The following SPAG16 variants were observed in gnomAD, a reference collection of about 807,000 sequenced individuals.
The protein encoded by SPAG16 is sperm associated antigen 16, also known as sperm-associated antigen 16 protein.
In SPAG16, 86 loss-of-function variants were observed where a neutral mutation model predicts 80.4. The ratio of observed to expected loss-of-function variants is 1.07; its 90% CI spans 0.90 to 1.28. The LOEUF (loss-of-function observed/expected upper bound fraction) is 1.28, where lower values mean the gene tolerates loss of function less well. Among genes scored for constraint, SPAG16 ranks in the 50% most tolerant of loss-of-function variants. SPAG16 has a pLI of 0.00. For synonymous variants in SPAG16, 294 were observed against 265.9 expected (o/e 1.11, Z -1.03); for missense variants, 870 against 765.3 (o/e 1.14, Z -1.61).
At chr2:214,348,129 G>T (rs912485526) in intron 15 of SPAG16, among the ~76,000 whole-genome samples, 18 of 152,138 alleles carry the variant, frequency 1.2e-4, no homozygotes, top group African/African-American at 4.1e-4. Flanking sequence ...GTTGTGTGGA[G>T]GGCAGATAAC....
intron 15 of SPAG16, among the ~76,000 whole-genome samples, chr2:214,190,309 A>T (rs1411014923): frequency 6.6e-6 from 1 of 152,070 alleles, no homozygotes; most frequent in Non-Finnish European, 1.5e-5. Context: ...TACTTGCCAG[A>T]TTGTGTTGTT....
chr2:214,007,876 G>T (rs2124922292), intron 12 of SPAG16, among the ~76,000 whole-genome samples: 1 of 152,208 alleles, frequency 6.6e-6, no homozygotes, highest in Non-Finnish European at 1.5e-5. Context: ...TAGGAATGTT[G>T]ACATGAAAAA....
intron 9 of SPAG16, among the ~76,000 whole-genome samples, chr2:213,375,407 C>T (rs1024827536): frequency 6.6e-6 from 1 of 152,008 alleles, no homozygotes; most frequent in Non-Finnish European, 1.5e-5. Flanking sequence ...CTGCTTGAAA[C>T]TACCTCTGTC....
intron 12 of SPAG16, among the ~76,000 whole-genome samples, chr2:213,962,242 G>T (rs1308389332): frequency 1.3e-5 from 2 of 148,994 alleles, no homozygotes; most frequent in Non-Finnish European, 3.0e-5. Flanking sequence ...TGCCCAGGCT[G>T]GAGTGCAGTG....
chr2:214,059,246 GTATATATATGTA>G, intron 13 of SPAG16, among the ~76,000 whole-genome samples: 1 of 85,664 alleles, frequency 1.2e-5, no homozygotes, highest in Non-Finnish European at 2.4e-5. Flanking sequence ...ATATATGTAT[GTATATATATGTA>G]TGTATATATA....
intron 15 of SPAG16, among the ~76,000 whole-genome samples, chr2:214,337,853 C>G (rs998355187): frequency 3.3e-5 from 5 of 152,046 alleles, no homozygotes; most frequent in Admixed American, 6.5e-5. Flanking sequence ...TTAAATATTT[C>G]TACTTGAAAA....
chr2:213,755,673 GA>G (rs2068290860), intron 10 of SPAG16, among the ~76,000 whole-genome samples: 1 of 152,124 alleles, frequency 6.6e-6, no homozygotes, highest in African/African-American at 2.4e-5. Context: ...GGAGAAGATA[GA>G]AAGTTAAAAA....
chr2:213,474,325 C>T (rs980642724), intron 9 of SPAG16, among the ~76,000 whole-genome samples: 3 of 152,276 alleles, frequency 2.0e-5, no homozygotes, highest in East Asian at 1.9e-4. Context: ...TCAGCTCGTT[C>T]TCTACAGGAG....
intron 10 of SPAG16, among the ~76,000 whole-genome samples, chr2:213,841,792 GT>G (rs2074376289): frequency 6.6e-6 from 1 of 152,016 alleles, no homozygotes; most frequent in South Asian, 2.1e-4. Context: ...GTATATCAAT[GT>G]TTTGGGGCTT....
At chr2:213,501,705 C>T (rs1273656756) in intron 10 of SPAG16, among the ~76,000 whole-genome samples, 1 of 152,056 alleles carries the variant, frequency 6.6e-6, no homozygotes, top group African/African-American at 2.4e-5. Flanking sequence ...TATTACATGA[C>T]AATAGAGTAT....
In SPAG16 at chr2:214,309,824, T is replaced by A. The variant is rs1695160601; in HGVS notation, c.1721-100316T>A. ...AGCAAAGTGCAAGTGGATACAGGGGTTCCTACCTCCCTGAGAGCATTCACC... is the reference window on the plus strand; with the variant it reads ...AGCAAAGTGCAAGTGGATACAGGGGATCCTACCTCCCTGAGAGCATTCACC... On this transcript the variant is annotated intron_variant, in intron 15 of 15. Coordinates refer to ENST00000331683, the MANE Select transcript of SPAG16 (RefSeq NM_024532.5). 2.0e-5 allele frequency among the ~76,000 whole-genome samples: 3 copies of A among 152,074 alleles called. No individual in the cohort carries two copies. The South Asian group carries it at 6.2e-4, about 32-fold the overall frequency.
At chr2:213,702,495 C>G (rs2065500704) in intron 10 of SPAG16, among the ~76,000 whole-genome samples, 1 of 152,214 alleles carries the variant, frequency 6.6e-6, no homozygotes, top group Admixed American at 6.5e-5. Flanking sequence ...ACAACTCCAG[C>G]CACACCATCT....
chr2:213,659,980 C>G (rs1179614226), intron 10 of SPAG16, among the ~76,000 whole-genome samples: 1 of 151,496 alleles, frequency 6.6e-6, no homozygotes, highest in African/African-American at 2.4e-5. Flanking sequence ...TCTTTTCTTT[C>G]TTTTTTTTAA....
At chr2:213,800,770 C>A (rs907917106) in intron 10 of SPAG16, among the ~76,000 whole-genome samples, 1 of 152,124 alleles carries the variant, frequency 6.6e-6, no homozygotes, top group Non-Finnish European at 1.5e-5. Context: ...TGTAGTGATG[C>A]TTTGTATAAA....
chr2:214,257,808 G>A (rs1690806776), intron 15 of SPAG16, among the ~76,000 whole-genome samples: 1 of 151,984 alleles, frequency 6.6e-6, no homozygotes, highest in African/African-American at 2.4e-5. Flanking sequence ...TGTATTAATG[G>A]TATTGTTGCC....
At chr2:213,830,775 CA>C (rs1327272204) in intron 10 of SPAG16, among the ~76,000 whole-genome samples, 1 of 152,094 alleles carries the variant, frequency 6.6e-6, no homozygotes, top group Middle Eastern at 3.2e-3. Flanking sequence ...GGCCCACTTT[CA>C]GTCCTTTTCC....
intron 9 of SPAG16, among the ~76,000 whole-genome samples, chr2:213,406,285 TG>T (rs909485877): frequency 6.6e-6 from 1 of 152,146 alleles, no homozygotes; most frequent in African/African-American, 2.4e-5. Context: ...TGGGAGGCAG[TG>T]GGTAGGAATG....
intron 10 of SPAG16, among the ~76,000 whole-genome samples, chr2:213,798,754 G>A (rs1422878434): frequency 1.3e-5 from 2 of 152,030 alleles, no homozygotes; most frequent in East Asian, 3.8e-4. Flanking sequence ...TAATTTTCCT[G>A]TATGCTGTGA....
At chr2:213,719,519 C>T (rs1364345067) in intron 10 of SPAG16, among the ~76,000 whole-genome samples, 2 of 152,200 alleles carry the variant, frequency 1.3e-5, no homozygotes, top group Non-Finnish European at 2.9e-5. Context: ...CCTGACAAAA[C>T]AGGCCACTTG....
Sources: allele counts gnomAD v4.1 joint callset (sites outside exome capture counted in the v4.1 genomes callset), GRCh38; gene constraint gnomAD v4.1.1; transcripts MANE v1.5; gene names NCBI Gene and HGNC (gene_info 2026-07-23, HGNC 2026-07-21).